Variants in MYOM2 observed in about 807,000 individuals in gnomAD.
The protein encoded by MYOM2 is myomesin 2.
Under a neutral mutation model 187.6 loss-of-function variants are expected in MYOM2, and 254 were observed. That is an observed-to-expected ratio of 1.35 (90% CI 1.22 to 1.50). MYOM2 has a LOEUF of 1.50. Ranked by LOEUF, MYOM2 falls within the 40% of genes most tolerant of loss-of-function variation. MYOM2 has a pLI of 0.00. For synonymous variants in MYOM2, 981 were observed against 753.8 expected, an observed-to-expected ratio of 1.30 and a Z score of -4.94; for missense variants, 2,796 against 1,924.0, an observed-to-expected ratio of 1.45 and a Z score of -8.48.
intron 31 of MYOM2, among the ~76,000 whole-genome samples, chr8:2,125,775 T>C (rs918000500): frequency 2.5e-4 from 38 of 151,648 alleles, no homozygotes; most frequent in Admixed American, 2.0e-3. Flanking sequence ...ACCCAGCTAA[T>C]TTTTTTGCAT....
intron 21 of MYOM2, among the ~76,000 whole-genome samples, chr8:2,104,603 T>TA (rs551349219): frequency 0.016 from 2,226 of 141,236 alleles, 49 homozygotes; most frequent in African/African-American, 0.052. Context: ...AGACTCCATT[T>TA]AAAAAAAAAA....
chr8:2,134,578 A>AGGGGGTGATTTTCT (rs72034906), intron 32 of MYOM2, among the ~76,000 whole-genome samples: 5 of 151,958 alleles, frequency 3.3e-5, no homozygotes, highest in Non-Finnish European at 1.5e-5. Context: ...TGAGGGGCTG[A>AGGGGGTGATTTTCT]AGTTCCCTTT....
At chr8:2,114,619 G>A (rs1808854) in intron 25 of MYOM2, among the ~76,000 whole-genome samples, 41,077 of 151,894 alleles carry the variant, frequency 0.27, 5,667 homozygotes, top group Non-Finnish European at 0.3. Flanking sequence ...ACAGGCGTGC[G>A]CCACCACACC....
chr8:2,141,938 C>G (rs747258848), intron 34 of MYOM2, among the ~76,000 whole-genome samples: 1 of 152,140 alleles, frequency 6.6e-6, no homozygotes, highest in South Asian at 2.1e-4. Flanking sequence ...TTCGCACATC[C>G]GAAGCTGACC....
chr8:2,094,148 A>C (rs867463913), intron 17 of MYOM2, 57 bp downstream of exon 17: 1 of 1,589,174 alleles, frequency 6.3e-7, no homozygotes, highest in Non-Finnish European at 8.6e-7. Context: ...TCATTTCTGC[A>C]TGAATAAACA....
intron 25 of MYOM2, among the ~76,000 whole-genome samples, chr8:2,115,711 T>C (rs1410964805): frequency 6.6e-6 from 1 of 152,246 alleles, no homozygotes; most frequent in Non-Finnish European, 1.5e-5. Flanking sequence ...GTGTGGAGTC[T>C]CTGCCTAGAA....
At chr8:2,140,514 TA>T (rs1798237066) in intron 32 of MYOM2, among the ~76,000 whole-genome samples, 1 of 152,258 alleles carries the variant, frequency 6.6e-6, no homozygotes. Flanking sequence ...AATATACCTT[TA>T]AAAATTAAGT....
chr8:2,092,598 A>C, intron 16 of MYOM2, 78 bp downstream of exon 16: 1 of 1,455,812 alleles, frequency 6.9e-7, no homozygotes, highest in Non-Finnish European at 9.3e-7. Context: ...GCCCTGGCAC[A>C]GGGAGTACCA....
At chr8:2,110,635 G>T (rs1797038805) in intron 25 of MYOM2, among the ~76,000 whole-genome samples, 1 of 152,096 alleles carries the variant, frequency 6.6e-6, no homozygotes, top group East Asian at 1.9e-4. Context: ...AGTGTGGTTG[G>T]CAACCTTAGC....
chr8:2,118,248 C>T (rs1423969547), intron 28 of MYOM2, among the ~76,000 whole-genome samples: 1 of 152,088 alleles, frequency 6.6e-6, no homozygotes, highest in Admixed American at 6.5e-5. Flanking sequence ...AGAAAGTGTG[C>T]CCTGGTGAAA....
At chr8:2,138,887 G>A (rs1798175055) in intron 32 of MYOM2, among the ~76,000 whole-genome samples, 1 of 152,052 alleles carries the variant, frequency 6.6e-6, no homozygotes. Context: ...CTCTGGCTTA[G>A]TGTGCGCCAG....
intron 14 of MYOM2, among the ~76,000 whole-genome samples, chr8:2,088,091 G>A (rs188703969): frequency 3.9e-5 from 6 of 152,078 alleles, no homozygotes; most frequent in Non-Finnish European, 8.8e-5. Flanking sequence ...GGTACAGGGG[G>A]TATTTGGTTA....
chr8:2,087,462 A>T (rs187253159), intron 14 of MYOM2, among the ~76,000 whole-genome samples: 1 of 152,282 alleles, frequency 6.6e-6, no homozygotes, highest in Non-Finnish European at 1.5e-5. Context: ...TTACATCATT[A>T]ATTCTGGGTG....
chr8:2,076,326 G>A (rs1819419752), intron 11 of MYOM2, 44 bp downstream of exon 11: 1 of 1,595,124 alleles, frequency 6.3e-7, no homozygotes, highest in Non-Finnish European at 8.5e-7. Context: ...GTTCCGCATG[G>A]AATCTTACCA....
At chr8:2,100,611 G>C (rs1049360407) in intron 19 of MYOM2, 14 of 469,428 alleles carry the variant, frequency 3.0e-5, no homozygotes, top group Non-Finnish European at 5.0e-5. Flanking sequence ...GCATCTGCTG[G>C]TCCCGAGAAT....
intron 32 of MYOM2, among the ~76,000 whole-genome samples, chr8:2,136,650 C>G (rs1461719756): frequency 6.6e-6 from 1 of 151,808 alleles, no homozygotes. Context: ...CTTATCTCCA[C>G]TGCTGCCCAG....
intron 23 of MYOM2, among the ~76,000 whole-genome samples, chr8:2,108,130 C>G (rs35431083): frequency 0.054 from 8,233 of 152,224 alleles, 393 homozygotes; most frequent in East Asian, 0.26. Context: ...CCTTGGAGAT[C>G]ACCATCTTCT....
chr8:2,119,001 G>T (rs564809140), intron 28 of MYOM2: 2 of 152,320 alleles, frequency 1.3e-5, no homozygotes, highest in Non-Finnish European at 2.9e-5. Flanking sequence ...GGAGGACCGA[G>T]TGGGTGTGAT....
chr8:2,106,563 C>T lies in MYOM2; in HGVS notation c.2964C>T (p.Asp988=), dbSNP rs139273975. 82 of 1,609,590 alleles carry T rather than the reference C, an allele frequency of 5.1e-5. 1 individual carries two copies. The highest frequency in any genetic ancestry group is 5.0e-4 in the Middle Eastern group (3 of 6,052). ...ACTCCGTGTCTGTAAGTGATACAGA[C>T]GGAGTGTCCTCCAGTTTTGTTCTGG... ...GTYSVSVSDT[D]GVSSSFVLDP... Residue 988 remains aspartate, a synonymous_variant, in exon 23 of 37, where the codon GAC becomes GAT. Transcript: ENST00000262113.
Sources: allele counts gnomAD v4.1 joint callset (sites outside exome capture counted in the v4.1 genomes callset), GRCh38; gene constraint gnomAD v4.1.1; transcripts MANE v1.5; gene names NCBI Gene and HGNC (gene_info 2026-07-23, HGNC 2026-07-21).